Variants in PCCB observed in about 807,000 individuals in gnomAD.
PCCB encodes the protein propionyl-CoA carboxylase beta chain, mitochondrial.
PCCB carries 43 observed loss-of-function variants against 60.7 expected under a neutral mutation model. That is an observed-to-expected ratio of 0.71 (90% CI 0.55 to 0.91). The LOEUF (loss-of-function observed/expected upper bound fraction) is 0.91, where lower values mean the gene tolerates loss of function less well. Among genes scored for constraint, PCCB ranks in the 40% least tolerant of loss-of-function variants. The pLI, the probability that PCCB is intolerant of heterozygous loss-of-function variation, is 0.00. For synonymous variants in PCCB, 276 were observed against 255.9 expected, an observed-to-expected ratio of 1.08 and a Z score of -0.75; for missense variants, 766 against 702.8, an observed-to-expected ratio of 1.09 and a Z score of -1.02.
intron 5 of PCCB, among the ~76,000 whole-genome samples, chr3:136,278,103 G>GGTCT (rs1942380822): frequency 6.6e-6 from 1 of 152,178 alleles, no homozygotes; most frequent in Non-Finnish European, 1.5e-5. Context: ...GGCTTACCTT[G>GGTCT]GTCTGCACTG....
intron 9 of PCCB, among the ~76,000 whole-genome samples, chr3:136,310,602 A>C (rs1934625674): frequency 6.6e-6 from 1 of 152,256 alleles, no homozygotes; most frequent in Non-Finnish European, 1.5e-5. Flanking sequence ...AGTGCCACAT[A>C]AATTCTTCCA....
intron 10 of PCCB, among the ~76,000 whole-genome samples, chr3:136,325,519 G>T (rs1163490069): frequency 6.6e-6 from 1 of 151,596 alleles, no homozygotes; most frequent in Non-Finnish European, 1.5e-5. Flanking sequence ...ACCACGCCTG[G>T]CTAATTTTTG....
intron 7 of PCCB, 51 bp from the exon 8 acceptor site, chr3:136,297,901 T>C: frequency 6.2e-7 from 1 of 1,612,922 alleles, no homozygotes. Flanking sequence ...AGCAGCAACT[T>C]TGGGCTGGCT....
At chr3:136,322,992 T>G (rs1292991530) in intron 10 of PCCB, among the ~76,000 whole-genome samples, 1 of 117,622 alleles carries the variant, frequency 8.5e-6, no homozygotes, top group Non-Finnish European at 1.7e-5. Context: ...TTCTTGTAAA[T>G]GATGAGTTTT....
chr3:136,290,177 G>T (rs1253162728), intron 6 of PCCB, among the ~76,000 whole-genome samples: 1 of 152,080 alleles, frequency 6.6e-6, no homozygotes, highest in Non-Finnish European at 1.5e-5. Context: ...TTTCTGTAAA[G>T]AATTTTGCTT....
chr3:136,287,841 A>G (rs920168922), intron 6 of PCCB, among the ~76,000 whole-genome samples: 3 of 152,210 alleles, frequency 2.0e-5, no homozygotes, highest in East Asian at 1.9e-4. Context: ...ACATTTTTCT[A>G]TATGTGTCTT....
chr3:136,300,301 C>A (rs565111911), intron 8 of PCCB, among the ~76,000 whole-genome samples: 4 of 152,286 alleles, frequency 2.6e-5, no homozygotes, highest in African/African-American at 9.6e-5. Flanking sequence ...TGACCCAAGG[C>A]CAAACCTCAG....
At chr3:136,311,245 T>C (rs1185192974) in intron 9 of PCCB, among the ~76,000 whole-genome samples, 2 of 152,178 alleles carry the variant, frequency 1.3e-5, no homozygotes, top group Non-Finnish European at 2.9e-5. Context: ...AATCTTCATA[T>C]ACGCAAGCAG....
rs763947916 is a variant in PCCB, at chr3:136,328,764, G to A, written c.1405G>A (p.Val469Met). 1.2e-6 allele frequency: 2 copies of A among 1,613,718 alleles called. No homozygotes were observed. Among genetic ancestry groups the A allele is most frequent in the Admixed American group, 1.7e-5 (1 of 60,026 alleles). Reference sequence around the variant, plus strand: ...TGAACTCCTCTAATCACAGGGCGCTGTGGAGATCATCTTCAAAGGGCATGA... The same window carrying A: ...TGAACTCCTCTAATCACAGGGCGCTATGGAGATCATCTTCAAAGGGCATGA... ...EIAVMGAKGA[V>M]EIIFKGHENV... The change falls in exon 14 of 15, where the codon GTG becomes ATG. Residue 469 changes from valine (V) to methionine (M), a missense_variant. Coordinates refer to ENST00000251654, the MANE Select transcript of PCCB (RefSeq NM_000532.5).
At chr3:136,260,670 G>A (rs560781714) in intron 4 of PCCB, 135 bp downstream of exon 4, 5 of 749,862 alleles carry the variant, frequency 6.7e-6, no homozygotes, top group South Asian at 3.1e-5. Context: ...CTACCAACCC[G>A]AAGGGGTGCA....
chr3:136,287,045 AAAT>A, intron 6 of PCCB, among the ~76,000 whole-genome samples: 1 of 151,686 alleles, frequency 6.6e-6, no homozygotes, highest in African/African-American at 2.4e-5. Context: ...AAAAAAAAAA[AAAT>A]AATAAAAATA....
intron 6 of PCCB, among the ~76,000 whole-genome samples, chr3:136,284,255 C>T (rs926396757): frequency 6.6e-6 from 1 of 152,106 alleles, no homozygotes; most frequent in Non-Finnish European, 1.5e-5. Flanking sequence ...TTTACTGAGT[C>T]CTATTCAAGA....
In PCCB at chr3:136,272,188, C is replaced by T. The variant is rs367548490; in HGVS notation, c.543+10123C>T. Among the ~76,000 whole-genome samples, 3 of 152,114 alleles carry T rather than the reference C, an allele frequency of 2.0e-5. No individual in the cohort carries two copies. In the East Asian group the frequency reaches 5.8e-4, roughly 29 times the overall value. ...TATTGACTTGCATATGTTAAACCAT[C>T]CCTGCATCTCTGGGATGAAACTCAC... On this transcript the variant is annotated intron_variant, in intron 5 of 14. Coordinates refer to ENST00000251654, the MANE Select transcript of PCCB (RefSeq NM_000532.5).
chr3:136,281,840 T>C (rs1942483809), intron 5 of PCCB, among the ~76,000 whole-genome samples: 1 of 152,202 alleles, frequency 6.6e-6, no homozygotes, highest in Admixed American at 6.5e-5. Context: ...GCAAAGAGTA[T>C]GTTCCTTTTT....
At chr3:136,321,001 T>C (rs1294240295) in intron 10 of PCCB, among the ~76,000 whole-genome samples, 2 of 152,234 alleles carry the variant, frequency 1.3e-5, no homozygotes, top group Non-Finnish European at 2.9e-5. Flanking sequence ...TTCCATCTGT[T>C]CATGATTTTC....
chr3:136,273,911 CAAAAAAAAAAA>C (rs34690853), intron 5 of PCCB, among the ~76,000 whole-genome samples: 2 of 55,488 alleles, frequency 3.6e-5, no homozygotes, highest in Non-Finnish European at 6.4e-5. Flanking sequence ...GACTCTGTCT[CAAAAAAAAAAA>C]AAAAAAAAAA....
intron 10 of PCCB, 148 bp downstream of exon 10, chr3:136,317,212 ATTTTTT>A (rs397694948): frequency 0.021 from 5,550 of 258,434 alleles, 16 homozygotes; most frequent in South Asian, 0.028. Context: ...ATAAAAGCTA[ATTTTTT>A]TTTTTTTTTT....
At chr3:136,290,266 T>C (rs1933613650) in intron 6 of PCCB, among the ~76,000 whole-genome samples, 1 of 152,214 alleles carries the variant, frequency 6.6e-6, no homozygotes, top group Admixed American at 6.5e-5. Context: ...TATTTTTCCT[T>C]CACTTTTGAA....
chr3:136,272,361 T>C (rs965936837), intron 5 of PCCB, among the ~76,000 whole-genome samples: 2 of 152,172 alleles, frequency 1.3e-5, no homozygotes, highest in Admixed American at 1.3e-4. Context: ...ATTAGGGTGA[T>C]ACTGGCTTCA....
Sources: allele counts gnomAD v4.1 joint callset (sites outside exome capture counted in the v4.1 genomes callset), GRCh38; gene constraint gnomAD v4.1.1; transcripts MANE v1.5; gene names NCBI Gene and HGNC (gene_info 2026-07-23, HGNC 2026-07-21).